The following SLIT3 variants were observed in gnomAD, a reference collection of about 807,000 sequenced individuals.
SLIT3 encodes the protein slit homolog 3 protein.
A neutral mutation model predicts 184.0 loss-of-function variants in SLIT3; 68 were observed. The observed-to-expected ratio is 0.37, with a 90% CI of 0.30 to 0.45. SLIT3 has a LOEUF of 0.45. Among genes scored for constraint, SLIT3 ranks in the 20% least tolerant of loss-of-function variants. The pLI, the probability that SLIT3 is intolerant of heterozygous loss-of-function variation, is 1.00. For synonymous variants in SLIT3, 831 were observed against 828.6 expected, an observed-to-expected ratio of 1.00 and a Z score of -0.05; for missense variants, 1,707 against 2,026.0, an observed-to-expected ratio of 0.84 and a Z score of 3.02.
At chr5:168,711,576 GA>G (rs774648239) in intron 24 of SLIT3, among the ~76,000 whole-genome samples, 2 of 151,762 alleles carry the variant, frequency 1.3e-5, no homozygotes, top group Non-Finnish European at 2.9e-5. Flanking sequence ...GAAAGTTTTA[GA>G]ATATGCATAC....
intron 4 of SLIT3, among the ~76,000 whole-genome samples, chr5:168,956,939 C>CT (rs1414432370): frequency 7.8e-6 from 1 of 128,510 alleles, no homozygotes; most frequent in Non-Finnish European, 1.7e-5. Flanking sequence ...TCCACATCCA[C>CT]TTTAAAAAAA....
chr5:168,793,800 TG>T (rs11323030), intron 10 of SLIT3, among the ~76,000 whole-genome samples: 117,509 of 149,146 alleles, frequency 0.79, 46,971 homozygotes, highest in South Asian at 0.89. Flanking sequence ...AAAAATGAAT[TG>T]GGGGGGGGGA....
At chr5:168,719,456 G>A (rs1762866031) in intron 23 of SLIT3, among the ~76,000 whole-genome samples, 1 of 152,004 alleles carries the variant, frequency 6.6e-6, no homozygotes, top group African/African-American at 2.4e-5. Flanking sequence ...TTTCTTCATA[G>A]GTATAAATGT....
chr5:168,760,983 C>G, intron 15 of SLIT3, 47 bp from the exon 16 acceptor site: 1 of 1,355,492 alleles, frequency 7.4e-7, no homozygotes, highest in South Asian at 1.2e-5. Context: ...GGACGAGGCC[C>G]CTCCTTCCAC....
intron 4 of SLIT3, among the ~76,000 whole-genome samples, chr5:168,982,257 T>C (rs1754975236): frequency 6.6e-6 from 1 of 152,204 alleles, no homozygotes; most frequent in Admixed American, 6.5e-5. Context: ...CTTTGAGAGA[T>C]GATTCATGGA....
At chr5:168,852,752 G>A (rs1758725162) in intron 5 of SLIT3, among the ~76,000 whole-genome samples, 1 of 152,108 alleles carries the variant, frequency 6.6e-6, no homozygotes, top group South Asian at 2.1e-4. Context: ...TTATAAAAGT[G>A]GAAGACTAGG....
intron 4 of SLIT3, among the ~76,000 whole-genome samples, chr5:169,040,762 T>A (rs1277469949): frequency 6.6e-6 from 1 of 152,186 alleles, no homozygotes; most frequent in South Asian, 2.1e-4. Context: ...CAATCAATTA[T>A]CCCTTTTCGA....
At chr5:169,140,200 C>G (rs1761671518) in intron 4 of SLIT3, among the ~76,000 whole-genome samples, 1 of 151,084 alleles carries the variant, frequency 6.6e-6, no homozygotes, top group Non-Finnish European at 1.5e-5. Context: ...TGCGGTGGCT[C>G]ACGCCTGTAA....
At chr5:168,820,080 A>G (rs17665948) in intron 7 of SLIT3, among the ~76,000 whole-genome samples, 50,172 of 152,128 alleles carry the variant, frequency 0.33, 9,263 homozygotes, top group African/African-American at 0.5. Flanking sequence ...GTCAAATAGT[A>G]AAAGAAAAAT....
intron 1 of SLIT3, chr5:169,263,632 C>G: frequency 2.0e-6 from 1 of 496,564 alleles, no homozygotes; most frequent in Non-Finnish European, 4.0e-6. Context: ...ACAGATACGC[C>G]CAACGTTCAG....
intron 5 of SLIT3, among the ~76,000 whole-genome samples, chr5:168,858,642 T>G (rs1758990730): frequency 1.3e-5 from 2 of 152,258 alleles, no homozygotes; most frequent in South Asian, 4.1e-4. Flanking sequence ...CAGCTGCTCC[T>G]GGCCCTCCTG....
intron 4 of SLIT3, among the ~76,000 whole-genome samples, chr5:169,056,676 G>A (rs187078744): frequency 6.6e-6 from 1 of 152,160 alleles, no homozygotes; most frequent in East Asian, 1.9e-4. Context: ...CCTATTTGAG[G>A]CAGAATTCCT....
At chr5:168,856,822 C>CA (rs1561970793) in intron 5 of SLIT3, among the ~76,000 whole-genome samples, 3 of 150,330 alleles carry the variant, frequency 2.0e-5, no homozygotes, top group Non-Finnish European at 4.4e-5. Flanking sequence ...CGCGCGCACG[C>CA]CTTTGTTCAG....
intron 4 of SLIT3, among the ~76,000 whole-genome samples, chr5:169,097,761 G>GC (rs1387116670): frequency 1.3e-5 from 2 of 152,150 alleles, no homozygotes; most frequent in African/African-American, 4.8e-5. Context: ...TTGCTCTGTA[G>GC]CCCCCCACCA....
chr5:169,133,757 ATGTAGG>A (rs1177092083), intron 4 of SLIT3, among the ~76,000 whole-genome samples: 1 of 152,218 alleles, frequency 6.6e-6, no homozygotes, highest in African/African-American at 2.4e-5. Flanking sequence ...CATAAAGACA[ATGTAGG>A]TGCAAAAGAG....
chr5:169,193,580 A>T lies in SLIT3; in HGVS notation c.342-30T>A, dbSNP rs942403039. 4 of 1,552,440 alleles carry T rather than the reference A, an allele frequency of 2.6e-6. No homozygotes were observed. The African/African-American group carries it at 5.4e-5, about 21-fold the overall frequency. On this transcript the variant is annotated intron_variant, in intron 3 of 35. Transcript: ENST00000519560. ...AGAGGAAAGAGAATGGAAGGATGTC[A>T]AGGGGACATTAAACCAGATCAAACG...
intron 1 of SLIT3, among the ~76,000 whole-genome samples, chr5:169,280,417 T>C (rs1305865193): frequency 6.6e-6 from 1 of 152,166 alleles, no homozygotes; most frequent in Non-Finnish European, 1.5e-5. Context: ...CTTAATTTCC[T>C]AAAGCAATCA....
At position 168,854,360 on chromosome 5, in the gene SLIT3, G is replaced by T. The variant is rs567301650; in HGVS notation, c.486-9705C>A. ...GAAGATGGTGTTGAGGGTGGGGGGT[G>T]GGGGGAGCAGCACACTCAACAGTGT... On this transcript the variant is annotated intron_variant, in intron 5 of 35. Transcript: ENST00000519560. Among the ~76,000 whole-genome samples the T allele has an allele frequency of 1.5e-4, 18 of 119,692 alleles. No homozygotes were observed. The East Asian group carries it at 4.1e-3, about 27-fold the overall frequency. 78.5% of individuals were successfully genotyped at this position (119,692 alleles called of 152,430 possible).
chr5:169,274,749 C>T (rs1167623400), intron 1 of SLIT3, among the ~76,000 whole-genome samples: 1 of 152,192 alleles, frequency 6.6e-6, no homozygotes, highest in Admixed American at 6.5e-5. Flanking sequence ...GCTCAGCCTC[C>T]TTCCTTGCTC....
Sources: allele counts gnomAD v4.1 joint callset (sites outside exome capture counted in the v4.1 genomes callset), GRCh38; gene constraint gnomAD v4.1.1; transcripts MANE v1.5; gene names NCBI Gene and HGNC (gene_info 2026-07-23, HGNC 2026-07-21).